The following DHX8 variants were observed in gnomAD, a reference collection of about 807,000 sequenced individuals.
The protein encoded by DHX8 is DEAH-box helicase 8, also known as ATP-dependent RNA helicase DHX8.
A neutral mutation model predicts 140.7 loss-of-function variants in DHX8; 67 were observed. The observed-to-expected ratio is 0.48, with a 90% CI of 0.39 to 0.58. The LOEUF (loss-of-function observed/expected upper bound fraction) is 0.58, where lower values mean the gene tolerates loss of function less well. Ranked by LOEUF, DHX8 falls within the 20% of genes least tolerant of loss-of-function variation. The pLI is 0.00. For synonymous variants in DHX8, 533 were observed against 553.2 expected, an observed-to-expected ratio of 0.96 and a Z score of 0.51; for missense variants, 887 against 1,550.7, an observed-to-expected ratio of 0.57 and a Z score of 7.19.
chr17:43,517,265 C>T lies in DHX8; in HGVS notation c.2742C>T (p.Thr914=). ...TERAYRDEML[T]TNVPEIQRTN... ...GTGCCTACCGAGATGAAATGCTGAC[C>T]ACCAACGTGCCGGAAATCCAGAGAA... The change falls in exon 18 of 23, where the codon ACC becomes ACT. Residue 914 remains threonine, a synonymous_variant. Coordinates refer to ENST00000262415, the MANE Select transcript of DHX8 (RefSeq NM_004941.3). The T allele has an allele frequency of 3.7e-6, 6 of 1,614,050 alleles. No homozygotes were observed. Among genetic ancestry groups the T allele is most frequent in the Non-Finnish European group, 5.1e-6 (6 of 1,179,986 alleles).
intron 18 of DHX8, 128 bp from the exon 19 acceptor site, chr17:43,520,001 GC>G: frequency 2.0e-6 from 2 of 977,796 alleles, no homozygotes; most frequent in East Asian, 4.8e-5. Flanking sequence ...GGAAGTTACC[GC>G]CAGTCTCACC....
chr17:43,519,941 A>G (rs1970293104), intron 18 of DHX8, 189 bp from the exon 19 acceptor site: 1 of 563,596 alleles, frequency 1.8e-6, no homozygotes, highest in Admixed American at 3.3e-5. Context: ...ACTCTGTCTC[A>G]AGTATGTGCT....
intron 8 of DHX8, among the ~76,000 whole-genome samples, chr17:43,494,875 G>A (rs183807563): frequency 0.092 from 13,474 of 147,046 alleles, 839 homozygotes; most frequent in Non-Finnish European, 0.14. Flanking sequence ...ACAGTGGTGC[G>A]ATCTCAGCTC....
At chr17:43,518,649 G>A (rs1970230635) in intron 18 of DHX8, 1 of 151,994 alleles carries the variant, frequency 6.6e-6, no homozygotes, top group Admixed American at 6.6e-5. Context: ...CAATTCAGTG[G>A]CATTAAATAC....
chr17:43,542,569 C>T (rs1020343762), intron 3 of DHX8, among the ~76,000 whole-genome samples: 2 of 152,086 alleles, frequency 1.3e-5, no homozygotes, highest in African/African-American at 2.4e-5. Context: ...TCCCAGGCAC[C>T]CCCAAATCAG....
chr17:43,528,828 C>T (rs1037559022), downstream of DHX8: 37 of 1,087,372 alleles, frequency 3.4e-5, no homozygotes, highest in Admixed American at 1.9e-4. Context: ...GAATGTGGCC[C>T]TTCTACCAGT....
chr17:43,525,830 C>T (rs1242203739), downstream of DHX8: 2 of 985,248 alleles, frequency 2.0e-6, no homozygotes, highest in Non-Finnish European at 2.4e-6. Flanking sequence ...TATAGTGGCC[C>T]AGCCTGTCCT....
chr17:43,488,702 C>A (rs1968324914), intron 1 of DHX8, among the ~76,000 whole-genome samples: 1 of 152,090 alleles, frequency 6.6e-6, no homozygotes, highest in Non-Finnish European at 1.5e-5. Flanking sequence ...CACCCAGCAG[C>A]TGCCTGGCCC....
intron 3 of DHX8, among the ~76,000 whole-genome samples, chr17:43,540,990 T>C (rs980963860): frequency 6.6e-6 from 1 of 152,152 alleles, no homozygotes; most frequent in African/African-American, 2.4e-5. Flanking sequence ...TCACTGGTGC[T>C]GGAGAGCAGA....
At chr17:43,488,313 CAAG>C (rs1251171424) in intron 1 of DHX8, among the ~76,000 whole-genome samples, 5 of 149,014 alleles carry the variant, frequency 3.4e-5, no homozygotes, top group Admixed American at 6.7e-5. Context: ...AAGAAAGTTT[CAAG>C]AACTAGGCAG....
At position 43,500,594 on chromosome 17, in the gene DHX8, T is replaced by C. The variant is rs529912197; in HGVS notation, c.1546+491T>C. Among the ~76,000 whole-genome samples, 5 of 152,192 alleles carry C rather than the reference T, an allele frequency of 3.3e-5. No individual in the cohort carries two copies. The South Asian group carries it at 1.0e-3, about 32-fold the overall frequency. ...GTTTTAATAGCCATGGTCAAATCATTAGACTGAGTTTTTCTTCTGAATCAC... is the reference window on the plus strand; with the variant it reads ...GTTTTAATAGCCATGGTCAAATCATCAGACTGAGTTTTTCTTCTGAATCAC... On this transcript the variant is annotated intron_variant, in intron 11 of 22. Transcript: ENST00000262415.
chr17:43,495,476 C>G (rs978434827), intron 8 of DHX8, among the ~76,000 whole-genome samples: 2 of 151,988 alleles, frequency 1.3e-5, no homozygotes, highest in African/African-American at 4.8e-5. Context: ...ACAGTCTTGC[C>G]GTGTTACCAG....
chr17:43,531,838 A>T (rs1488099995), intron 2 of DHX8, among the ~76,000 whole-genome samples: 5 of 152,198 alleles, frequency 3.3e-5, no homozygotes, highest in Admixed American at 3.3e-4. Flanking sequence ...CTGTGGGGAT[A>T]GGGACCAGAC....
chr17:43,517,058 A>C (rs1970150109), intron 17 of DHX8, 109 bp from the exon 18 acceptor site: 1 of 1,200,396 alleles, frequency 8.3e-7, no homozygotes, highest in East Asian at 2.7e-5. Flanking sequence ...AATCAACCCC[A>C]TTTCTGATTT....
At chr17:43,536,857 G>C (rs1225630908) in intron 3 of DHX8, among the ~76,000 whole-genome samples, 1 of 152,230 alleles carries the variant, frequency 6.6e-6, no homozygotes, top group African/African-American at 2.4e-5. Context: ...CCACCTCTGG[G>C]CTCCACTAAG....
chr17:43,519,069 T>C (rs1190346519), intron 18 of DHX8: 1 of 152,228 alleles, frequency 6.6e-6, no homozygotes, highest in African/African-American at 2.4e-5. Context: ...TGAACATTAG[T>C]GTGCAGGTAT....
intron 12 of DHX8, among the ~76,000 whole-genome samples, chr17:43,506,566 C>T (rs990823515): frequency 3.3e-5 from 5 of 150,506 alleles, no homozygotes; most frequent in Non-Finnish European, 7.4e-5. Flanking sequence ...TTGCAATGAG[C>T]TGAGATCATG....
intron 8 of DHX8, 66 bp from the exon 9 acceptor site, chr17:43,496,115 C>G: frequency 7.5e-7 from 1 of 1,337,616 alleles, no homozygotes; most frequent in Admixed American, 1.9e-5. Flanking sequence ...CAAAACAAAA[C>G]CAAAAAACAA....
At chr17:43,532,547 G>GA in intron 2 of DHX8, 3 of 858,504 alleles carry the variant, frequency 3.5e-6, no homozygotes, top group Non-Finnish European at 5.4e-6. Context: ...AAATTATGAA[G>GA]AAAAAAAGTG....
Sources: gnomAD v4.1 joint callset for allele counts (sites outside exome capture counted in the v4.1 genomes callset) on GRCh38, gnomAD v4.1.1 for gene constraint, MANE v1.5 for transcripts, NCBI Gene and HGNC (gene_info 2026-07-23, HGNC 2026-07-21) for gene names.